Variants in MSRB3 observed in about 807,000 individuals in gnomAD.
The protein encoded by MSRB3 is methionine sulfoxide reductase B3.
Under a neutral mutation model 21.0 loss-of-function variants are expected in MSRB3, and 13 were observed. The observed-to-expected ratio is 0.62, with a 90% CI of 0.40 to 0.98. The LOEUF (loss-of-function observed/expected upper bound fraction) is 0.98, where lower values mean the gene tolerates loss of function less well. Among genes scored for constraint, MSRB3 ranks in the 50% least tolerant of loss-of-function variants. MSRB3 has a pLI of 0.00. For missense variants in MSRB3, 199 were observed against 230.3 expected (o/e 0.86, Z 0.88); for synonymous variants, 87 against 88.6 (o/e 0.98, Z 0.10).
intron 4 of MSRB3, among the ~76,000 whole-genome samples, chr12:65,334,533 TACAC>T (rs140461925): frequency 6.6e-6 from 1 of 151,624 alleles, no homozygotes; most frequent in African/African-American, 2.4e-5. Context: ...GAAACATGCA[TACAC>T]ACACACACAC....
chr12:65,406,666 T>C (rs1880430540), intron 5 of MSRB3, among the ~76,000 whole-genome samples: 2 of 152,178 alleles, frequency 1.3e-5, no homozygotes, highest in Admixed American at 1.3e-4. Flanking sequence ...GATTGCAGCA[T>C]CACACCACCT....
At chr12:65,455,808 C>T (rs1883063353) in intron 6 of MSRB3, among the ~76,000 whole-genome samples, 1 of 152,110 alleles carries the variant, frequency 6.6e-6, no homozygotes, top group Non-Finnish European at 1.5e-5. Context: ...ATGATCTTGG[C>T]TCACGGCAAC....
chr12:65,419,107 G>A (rs1592618928), intron 5 of MSRB3: 4 of 686,684 alleles, frequency 5.8e-6, no homozygotes, highest in Non-Finnish European at 8.0e-6. Flanking sequence ...CGAGGACTGG[G>A]CTGTATGTTA....
intron 5 of MSRB3, among the ~76,000 whole-genome samples, chr12:65,450,105 T>C (rs1056457698): frequency 7.2e-6 from 1 of 139,210 alleles, no homozygotes; most frequent in African/African-American, 2.5e-5. Flanking sequence ...AATGATTATT[T>C]ATGCTGCAAT....
intron 4 of MSRB3, among the ~76,000 whole-genome samples, chr12:65,346,726 A>G (rs558862769): frequency 1.2e-4 from 18 of 152,240 alleles, no homozygotes; most frequent in Non-Finnish European, 2.2e-4. Flanking sequence ...TAGGTCTAAC[A>G]TTTAAGTCTT....
At chr12:65,355,635 T>C (rs1877337994) in intron 4 of MSRB3, among the ~76,000 whole-genome samples, 1 of 152,068 alleles carries the variant, frequency 6.6e-6, no homozygotes, top group East Asian at 1.9e-4. Flanking sequence ...ATTTTACTTC[T>C]ATGTACTCAC....
chr12:65,347,513 C>G (rs573076255), intron 4 of MSRB3, among the ~76,000 whole-genome samples: 1 of 152,276 alleles, frequency 6.6e-6, no homozygotes, highest in African/African-American at 2.4e-5. Flanking sequence ...TCTAGATATA[C>G]AATCATGTCA....
At chr12:65,279,099 G>T in intron 1 of MSRB3, 1 of 1,388,546 alleles carries the variant, frequency 7.2e-7, no homozygotes, top group Non-Finnish European at 9.3e-7. Context: ...CCCACCCGCC[G>T]AAGGGAGGCG....
Position 65,451,619 on chromosome 12 carries a change from A to G in MSRB3, c.293-2109A>G, listed in dbSNP as rs114307716. Among the ~76,000 whole-genome samples, 509 of 152,240 alleles carry G rather than the reference A, an allele frequency of 3.3e-3. 3 individuals are homozygous for G. The highest frequency in any genetic ancestry group is 0.011 in the African/African-American group (467 of 41,548). ...AAACCCTGTAAAATGAGTGAACTCT[A>G]TGAACTTCATGTTTCTCCTCTCCTA... On this transcript the variant is annotated intron_variant, in intron 5 of 6. Coordinates refer to ENST00000308259, the MANE Select transcript of MSRB3 (RefSeq NM_001031679.3).
chr12:65,283,465 CT>C (rs1872161339), intron 1 of MSRB3, among the ~76,000 whole-genome samples: 1 of 150,880 alleles, frequency 6.6e-6, no homozygotes, highest in Non-Finnish European at 1.5e-5. Context: ...GGATCTCACT[CT>C]GTCACCCAGA....
intron 5 of MSRB3, among the ~76,000 whole-genome samples, chr12:65,446,974 C>T (rs1882648721): frequency 1.3e-5 from 2 of 152,110 alleles, no homozygotes; most frequent in Admixed American, 6.5e-5. Flanking sequence ...ATTAGTTACC[C>T]ACAAGAAAAC....
chr12:65,393,391 T>A (rs1879587878), intron 5 of MSRB3, among the ~76,000 whole-genome samples: 1 of 152,090 alleles, frequency 6.6e-6, no homozygotes, highest in African/African-American at 2.4e-5. Flanking sequence ...CCCAGCACTT[T>A]GGGAGGCCGA....
At chr12:65,434,422 T>C (rs939378947) in intron 5 of MSRB3, among the ~76,000 whole-genome samples, 1 of 151,972 alleles carries the variant, frequency 6.6e-6, no homozygotes. Flanking sequence ...AAGTCTAACA[T>C]GGTAAGACAA....
At chr12:65,433,868 T>C (rs982957109) in intron 5 of MSRB3, among the ~76,000 whole-genome samples, 7 of 151,904 alleles carry the variant, frequency 4.6e-5, no homozygotes, top group African/African-American at 1.7e-4. Flanking sequence ...TGTATATCTC[T>C]GGTGCCTCAC....
intron 4 of MSRB3, among the ~76,000 whole-genome samples, chr12:65,365,089 A>G (rs376508426): frequency 2.2e-5 from 3 of 137,392 alleles, no homozygotes; most frequent in African/African-American, 5.1e-5. Flanking sequence ...TTTTTTTTGT[A>G]TCTCAGAATT....
At chr12:65,389,758 A>G (rs1211196054) in intron 5 of MSRB3, among the ~76,000 whole-genome samples, 2 of 152,148 alleles carry the variant, frequency 1.3e-5, no homozygotes, top group African/African-American at 4.8e-5. Flanking sequence ...TCCTTATGCT[A>G]AATTCCCCGG....
intron 1 of MSRB3, among the ~76,000 whole-genome samples, chr12:65,300,792 A>G (rs184796410): frequency 8.6e-4 from 131 of 152,310 alleles, no homozygotes; most frequent in Admixed American, 4.1e-3. Flanking sequence ...GCCACCATCT[A>G]ATTATAGAAC....
chr12:65,370,922 G>C (rs1046176111), intron 5 of MSRB3, among the ~76,000 whole-genome samples: 2 of 152,086 alleles, frequency 1.3e-5, no homozygotes. Flanking sequence ...TTAAGAAACG[G>C]AATTATTTTT....
intron 4 of MSRB3, among the ~76,000 whole-genome samples, chr12:65,343,466 G>T (rs533408100): frequency 9.9e-5 from 15 of 152,042 alleles, no homozygotes; most frequent in African/African-American, 3.6e-4. Context: ...AATGAAGGGC[G>T]GGACACCAAA....
Sources: allele counts gnomAD v4.1 joint callset (sites outside exome capture counted in the v4.1 genomes callset), GRCh38; gene constraint gnomAD v4.1.1; transcripts MANE v1.5; gene names NCBI Gene and HGNC (gene_info 2026-07-23, HGNC 2026-07-21).